The following PBX3 variants were observed in gnomAD, a reference collection of about 807,000 sequenced individuals.
The protein encoded by PBX3 is PBX homeobox 3.
In PBX3, 14 loss-of-function variants were observed where a neutral mutation model predicts 48.5. That is an observed-to-expected ratio of 0.29 (90% confidence interval 0.19 to 0.45). The LOEUF is 0.45. Ranked by LOEUF, PBX3 falls within the 20% of genes least tolerant of loss-of-function variation. The pLI is 1.00. For missense variants in PBX3, 386 were observed against 546.7 expected, an observed-to-expected ratio of 0.71 and a Z score of 2.93; for synonymous variants, 210 against 200.3, an observed-to-expected ratio of 1.05 and a Z score of -0.41.
At chr9:125,780,476 CA>C (rs1303755070) in intron 2 of PBX3, among the ~76,000 whole-genome samples, 5 of 133,346 alleles carry the variant, frequency 3.7e-5, no homozygotes, top group African/African-American at 1.2e-4. Context: ...TGACCCCCCC[CA>C]CCTCCCTCCC....
intron 5 of PBX3, among the ~76,000 whole-genome samples, chr9:125,938,511 A>G (rs1229573151): frequency 1.3e-5 from 2 of 152,182 alleles, no homozygotes; most frequent in Non-Finnish European, 2.9e-5. Context: ...TGGGACAAAA[A>G]CTTGACCAAG....
rs189659525 is a variant in PBX3, at chr9:125,812,709, G to A, written c.274+64086G>A. Among the ~76,000 whole-genome samples the A allele has an allele frequency of 2.0e-4, 31 of 152,316 alleles. No homozygotes were observed. The East Asian group carries it at 5.6e-3, about 27-fold the overall frequency. On this transcript the variant is annotated intron_variant, in intron 2 of 8. Coordinates refer to ENST00000373489, the MANE Select transcript of PBX3 (RefSeq NM_006195.6). ...TGTCATTGTGAGAACATCATACAGTGTTCTTACACAAGCTTAAATGATATA... is the reference window on the plus strand; with the variant it reads ...TGTCATTGTGAGAACATCATACAGTATTCTTACACAAGCTTAAATGATATA...
At chr9:125,883,017 TAC>T (rs1246009823) in intron 2 of PBX3, among the ~76,000 whole-genome samples, 4 of 152,366 alleles carry the variant, frequency 2.6e-5, no homozygotes, top group South Asian at 2.1e-4. Context: ...AAATGTTTCA[TAC>T]ATTAATTTGC....
intron 2 of PBX3, among the ~76,000 whole-genome samples, chr9:125,813,883 G>A (rs187059134): frequency 6.0e-5 from 9 of 150,136 alleles, no homozygotes; most frequent in East Asian, 2.0e-4. Flanking sequence ...CACGTATGTC[G>A]GCCGGGCACG....
At chr9:125,899,142 C>G (rs1185058359) in intron 2 of PBX3, among the ~76,000 whole-genome samples, 3 of 149,002 alleles carry the variant, frequency 2.0e-5, no homozygotes, top group Non-Finnish European at 3.0e-5. Context: ...TCTTTTATGT[C>G]ATATGCTAGT....
chr9:125,769,698 A>AG (rs1334347311), intron 2 of PBX3, among the ~76,000 whole-genome samples: 1 of 152,214 alleles, frequency 6.6e-6, no homozygotes. Context: ...GCACACATAA[A>AG]GGGAAAAAAA....
chr9:125,835,157 A>G (rs1839095183), intron 2 of PBX3, among the ~76,000 whole-genome samples: 1 of 152,142 alleles, frequency 6.6e-6, no homozygotes, highest in Admixed American at 6.5e-5. Flanking sequence ...AATAACAATT[A>G]CTACTTATTG....
chr9:125,913,371 G>A (rs1250758358), intron 2 of PBX3, among the ~76,000 whole-genome samples: 3 of 152,038 alleles, frequency 2.0e-5, no homozygotes, highest in South Asian at 2.1e-4. Context: ...AGAGTAAAAC[G>A]TTATAGTAAT....
At position 125,915,868 on chromosome 9, in the gene PBX3, A is replaced by G; in HGVS notation, c.457A>G (p.Arg153Gly). 6.2e-7 allele frequency: 1 copy of G among 1,614,138 alleles called. No individual in the cohort carries two copies. Among genetic ancestry groups the G allele is most frequent in the Non-Finnish European group, 8.5e-7 (1 of 1,179,998 alleles). The change falls in exon 3 of 9, where the codon AGA (arginine) becomes GGA (glycine). Residue 153 changes from arginine (R) to glycine (G), a missense_variant. By Grantham distance (125) the Arg-to-Gly change is moderately radical (BLOSUM62 -2). This residue lies in a region of PBX3 where 74 missense variants were observed against 206.1 expected (regional missense o/e 0.36). Coordinates refer to ENST00000373489, the MANE Select transcript of PBX3 (RefSeq NM_006195.6). Reference protein sequence around the residue: ...SDNSIEHSDYRAKLTQIRQIY... With the variant: ...SDNSIEHSDYGAKLTQIRQIY... Reference sequence around the variant, plus strand: ...TAACTCTATTGAACACTCAGATTACAGAGCCAAATTGACCCAGATCAGACA... The same window carrying G: ...TAACTCTATTGAACACTCAGATTACGGAGCCAAATTGACCCAGATCAGACA...
At chr9:125,866,143 T>G (rs780177181) in intron 2 of PBX3, among the ~76,000 whole-genome samples, 8 of 152,192 alleles carry the variant, frequency 5.3e-5, no homozygotes, top group Admixed American at 2.0e-4. Context: ...ATATATTAAT[T>G]TTCAAAAGTG....
chr9:125,934,745 T>C (rs1841797176), intron 4 of PBX3, among the ~76,000 whole-genome samples: 2 of 152,000 alleles, frequency 1.3e-5, no homozygotes, highest in African/African-American at 4.8e-5. Context: ...CACTCACTCC[T>C]CCCATTCAAT....
chr9:125,816,938 T>C (rs1328509983), intron 2 of PBX3, among the ~76,000 whole-genome samples: 1 of 152,232 alleles, frequency 6.6e-6, no homozygotes, highest in Admixed American at 6.5e-5. Context: ...TTGACTATTT[T>C]TGGAGACACC....
intron 3 of PBX3, among the ~76,000 whole-genome samples, chr9:125,924,761 C>G (rs930591559): frequency 4.6e-5 from 7 of 152,198 alleles, no homozygotes; most frequent in African/African-American, 4.8e-5. Flanking sequence ...AACTGTTAAG[C>G]TTACAATGGT....
intron 2 of PBX3, among the ~76,000 whole-genome samples, chr9:125,883,070 C>T (rs1477018667): frequency 1.3e-5 from 2 of 152,110 alleles, no homozygotes; most frequent in African/African-American, 2.4e-5. Flanking sequence ...AACATTCTGC[C>T]TACTTAGATT....
chr9:125,876,833 G>A (rs1840264643), intron 2 of PBX3, among the ~76,000 whole-genome samples: 1 of 145,380 alleles, frequency 6.9e-6, no homozygotes, highest in African/African-American at 2.6e-5. Context: ...GACGAAGGCT[G>A]GAGTGCAGTG....
At chr9:125,761,822 T>G (rs1189699167) in intron 2 of PBX3, among the ~76,000 whole-genome samples, 2 of 152,120 alleles carry the variant, frequency 1.3e-5, no homozygotes, top group Non-Finnish European at 2.9e-5. Flanking sequence ...CTGGTAGTTA[T>G]TAGTATAAAG....
chr9:125,943,087 C>G (rs1199114409), intron 5 of PBX3, among the ~76,000 whole-genome samples: 1 of 152,054 alleles, frequency 6.6e-6, no homozygotes, highest in Non-Finnish European at 1.5e-5. Context: ...AATTTTCAGG[C>G]TGGGCACAGT....
intron 2 of PBX3, among the ~76,000 whole-genome samples, chr9:125,782,469 A>G (rs549436391): frequency 6.6e-6 from 1 of 151,854 alleles, no homozygotes; most frequent in African/African-American, 2.4e-5. Context: ...TTACAACTCC[A>G]TTTTTCTCTT....
intron 2 of PBX3, among the ~76,000 whole-genome samples, chr9:125,911,433 T>C (rs1588287773): frequency 6.6e-6 from 1 of 152,144 alleles, no homozygotes; most frequent in East Asian, 1.9e-4. Context: ...CTAATTAGCT[T>C]TGTGACTTCT....
Sources: allele counts gnomAD v4.1 joint callset (sites outside exome capture counted in the v4.1 genomes callset), GRCh38; gene constraint gnomAD v4.1.1; regional missense constraint gnomAD v4.1.1; transcripts MANE v1.5; gene names NCBI Gene and HGNC (gene_info 2026-07-23, HGNC 2026-07-21).